Variants in NBAS observed in about 807,000 individuals in gnomAD.
NBAS encodes NBAS subunit of NRZ tethering complex.
In NBAS, 219 loss-of-function variants were observed where a neutral mutation model predicts 302.5. That is an observed-to-expected ratio of 0.72 (90% confidence interval 0.65 to 0.81). The LOEUF (loss-of-function observed/expected upper bound fraction) is 0.81, where lower values mean the gene tolerates loss of function less well. Among genes scored for constraint, NBAS ranks in the 30% least tolerant of loss-of-function variants. The pLI, the probability that NBAS is intolerant of heterozygous loss-of-function variation, is 0.00. For synonymous variants in NBAS, 1,118 were observed against 1,021.6 expected (o/e 1.09, Z -1.80); for missense variants, 2,932 against 2,841.6 (o/e 1.03, Z -0.72).
intron 40 of NBAS, among the ~76,000 whole-genome samples, chr2:15,301,157 T>A (rs1362832653): frequency 6.6e-6 from 1 of 152,094 alleles, no homozygotes; most frequent in Non-Finnish European, 1.5e-5. Flanking sequence ...TGAAAAAGAC[T>A]GACACTGCTT....
the NBAS span, among the ~76,000 whole-genome samples, chr2:15,027,021 A>G: frequency 6.6e-6 from 1 of 152,132 alleles, no homozygotes; most frequent in African/African-American, 2.4e-5. Flanking sequence ...AGGGTATAAT[A>G]ATACCTGGTC....
the NBAS span, among the ~76,000 whole-genome samples, chr2:14,825,852 C>A: frequency 6.6e-6 from 1 of 152,064 alleles, no homozygotes; most frequent in African/African-American, 2.4e-5. Context: ...TAGGCATTTG[C>A]CAGGTAGAAA....
At chr2:14,850,191 G>A in the NBAS span, among the ~76,000 whole-genome samples, 41 of 134,178 alleles carry the variant, frequency 3.1e-4, 5 homozygotes, top group Middle Eastern at 3.5e-3. Context: ...CCCATCTCAC[G>A]TGCAGAGACA....
At chr2:15,176,260 G>T (rs1355570402) in intron 51 of NBAS, among the ~76,000 whole-genome samples, 1 of 152,158 alleles carries the variant, frequency 6.6e-6, no homozygotes, top group East Asian at 1.9e-4. Context: ...TAATTACAGT[G>T]ATTTCATATT....
the NBAS span, among the ~76,000 whole-genome samples, chr2:14,990,368 G>A: frequency 6.6e-6 from 1 of 151,770 alleles, no homozygotes; most frequent in Non-Finnish European, 1.5e-5. Flanking sequence ...AGGTTGCAGG[G>A]AGCCGAGATC....
At chr2:15,106,067 C>T in the NBAS span, among the ~76,000 whole-genome samples, 25 of 152,048 alleles carry the variant, frequency 1.6e-4, no homozygotes, top group Non-Finnish European at 3.1e-4. Flanking sequence ...AGTCGATAAA[C>T]GAAATATTAA....
At chr2:15,540,786 G>C (rs541484072) in intron 6 of NBAS, among the ~76,000 whole-genome samples, 11 of 151,656 alleles carry the variant, frequency 7.3e-5, no homozygotes, top group African/African-American at 1.9e-4. Flanking sequence ...ACAGTGGCGC[G>C]ATCTGGGCTC....
chr2:15,533,683 T>A (rs1039310890), intron 9 of NBAS, among the ~76,000 whole-genome samples: 1 of 4,302 alleles, frequency 2.3e-4, no homozygotes, highest in Admixed American at 1.4e-3. Flanking sequence ...GGTGTGCGTG[T>A]GTGTGTGTGT....
At chr2:14,914,624 A>G in the NBAS span, among the ~76,000 whole-genome samples, 1 of 152,182 alleles carries the variant, frequency 6.6e-6, no homozygotes, top group Admixed American at 6.5e-5. Flanking sequence ...TCCAGGCCCA[A>G]CTGATTTTAT....
chr2:15,087,815 A>G, the NBAS span, among the ~76,000 whole-genome samples: 2 of 152,182 alleles, frequency 1.3e-5, no homozygotes, highest in Non-Finnish European at 2.9e-5. Context: ...TCATTGACTC[A>G]CTCAGTCATT....
chr2:15,097,980 T>TATATATTATATTGTATATA, the NBAS span, among the ~76,000 whole-genome samples: 1 of 45,324 alleles, frequency 2.2e-5, no homozygotes, highest in African/African-American at 1.0e-4. Context: ...TTGTATATAA[T>TATATATTATATTGTATATA]ATATATATTA....
intron 6 of NBAS, among the ~76,000 whole-genome samples, chr2:15,543,076 G>C (rs148792743): frequency 2.6e-5 from 4 of 152,330 alleles, no homozygotes; most frequent in African/African-American, 9.6e-5. Context: ...CAAAGCAAGA[G>C]TCAATGAAGT....
chr2:15,170,994 T>C (rs933612175), intron 51 of NBAS, among the ~76,000 whole-genome samples: 6 of 152,252 alleles, frequency 3.9e-5, no homozygotes, highest in Admixed American at 2.6e-4. Context: ...GATTAATTTG[T>C]TAAGCCTCAA....
At chr2:15,131,155 G>A in the NBAS span, among the ~76,000 whole-genome samples, 51 of 152,246 alleles carry the variant, frequency 3.3e-4, no homozygotes, top group Middle Eastern at 3.4e-3. Context: ...GTCAGTGCCT[G>A]ACACATAATC....
At chr2:15,212,550 T>C (rs1402251932) in intron 48 of NBAS, among the ~76,000 whole-genome samples, 1 of 152,194 alleles carries the variant, frequency 6.6e-6, no homozygotes, top group Non-Finnish European at 1.5e-5. Flanking sequence ...CCCTGTGTAC[T>C]GTGCAGACTT....
At chr2:14,897,445 C>T in the NBAS span, among the ~76,000 whole-genome samples, 1 of 152,308 alleles carries the variant, frequency 6.6e-6, no homozygotes, top group South Asian at 2.1e-4. Flanking sequence ...CATTTTTCTT[C>T]TCAAAAGCTT....
At chr2:14,968,556 G>A in the NBAS span, among the ~76,000 whole-genome samples, 1 of 152,196 alleles carries the variant, frequency 6.6e-6, no homozygotes, top group Non-Finnish European at 1.5e-5. Flanking sequence ...TCCTGCCCCA[G>A]TCTCTTGAAT....
the NBAS span, among the ~76,000 whole-genome samples, chr2:15,090,477 A>G: frequency 6.6e-6 from 1 of 152,252 alleles, no homozygotes; most frequent in Non-Finnish European, 1.5e-5. Flanking sequence ...TGGCTTGAGC[A>G]AGCTATAAAA....
the NBAS span, among the ~76,000 whole-genome samples, chr2:15,032,980 C>T: frequency 6.6e-6 from 1 of 152,302 alleles, no homozygotes; most frequent in Middle Eastern, 3.4e-3. Flanking sequence ...GGCCAACCAA[C>T]CTCTGCCCAA....
Sources: gnomAD v4.1 joint callset for allele counts (sites outside exome capture counted in the v4.1 genomes callset) on GRCh38, gnomAD v4.1.1 for gene constraint, MANE v1.5 for transcripts, NCBI Gene and HGNC (gene_info 2026-07-23, HGNC 2026-07-21) for gene names.